The following KCNIP2 variants were observed in gnomAD, a reference collection of about 807,000 sequenced individuals.
KCNIP2 encodes the protein potassium voltage-gated channel interacting protein 2, also known as A-type potassium channel modulatory protein KCNIP2.
A neutral mutation model predicts 39.0 loss-of-function variants in KCNIP2; 19 were observed. That is an observed-to-expected ratio of 0.49 (90% confidence interval 0.34 to 0.71). The LOEUF (loss-of-function observed/expected upper bound fraction) is 0.71, where lower values mean the gene tolerates loss of function less well. Ranked by LOEUF, KCNIP2 falls within the 30% of genes least tolerant of loss-of-function variation. The probability of loss-of-function intolerance (pLI) is 0.01; values close to 1 mark genes in which losing one functional copy is unlikely to be tolerated. For missense variants in KCNIP2, 261 were observed against 346.0 expected, an observed-to-expected ratio of 0.75 and a Z score of 1.95; for synonymous variants, 111 against 131.2, an observed-to-expected ratio of 0.85 and a Z score of 1.05.
Position 101,831,213 on chromosome 10 carries a change from C to T in KCNIP2, c.74-46G>A, listed in dbSNP as rs999592449. 2.2e-6 allele frequency: 3 copies of T among 1,362,018 alleles called. No individual in the cohort carries two copies. In the East Asian group the frequency reaches 7.5e-5, roughly 34 times the overall value. 84.4% of individuals were successfully genotyped at this position (1,362,018 alleles called of 1,614,324 possible). On this transcript the variant is annotated intron_variant, in intron 1 of 9. Transcript: ENST00000356640. ...AGGAAGGCACATTAACTCCCATTGT[C>T]CCTCTGTTCCCTGTCCCCTCCCCGC...
chr10:101,829,249 C>A, intron 3 of KCNIP2, 50 bp from the exon 4 acceptor site: 6 of 1,562,138 alleles, frequency 3.8e-6, no homozygotes, highest in East Asian at 2.3e-5. Flanking sequence ...CTCCGCGACC[C>A]CTCTTCAAAT....
intron 1 of KCNIP2, among the ~76,000 whole-genome samples, chr10:101,839,273 CATGT>C (rs2066248656): frequency 6.6e-6 from 1 of 152,214 alleles, no homozygotes; most frequent in Non-Finnish European, 1.5e-5. Context: ...AGTCCCATGT[CATGT>C]ATGAACTTGC....
intron 9 of KCNIP2, 130 bp downstream of exon 9, chr10:101,827,559 C>T (rs2065783009): frequency 7.5e-7 from 1 of 1,325,140 alleles, no homozygotes; most frequent in Non-Finnish European, 1.1e-6. Flanking sequence ...GTAAGCCTCC[C>T]ACAAAGGAAT....
At chr10:101,831,320 C>A (rs1253401517) in intron 1 of KCNIP2, among the ~76,000 whole-genome samples, 153 bp from the exon 2 acceptor site, 3 of 152,258 alleles carry the variant, frequency 2.0e-5, no homozygotes, top group Middle Eastern at 6.8e-3. Flanking sequence ...TGGTTGGAAT[C>A]GGGTTAGGGG....
chr10:101,831,270 G>A, intron 1 of KCNIP2, 103 bp from the exon 2 acceptor site: 1 of 891,432 alleles, frequency 1.1e-6, no homozygotes, highest in Non-Finnish European at 1.7e-6. Flanking sequence ...TGGGGACCGG[G>A]CTGGGGGAGG....
rs1187505191 is a variant in KCNIP2 at position 101,827,614 on chromosome 10, A to G, written c.765+75T>C. 1.7e-5 allele frequency: 26 copies of G among 1,545,176 alleles called. No individual in the cohort carries two copies. In the South Asian group the frequency reaches 2.9e-4, roughly 17 times the overall value. The stretch of plus-strand genomic sequence containing the variant: ...GAGGTGGGAAGGTGGTATTCTTCCC[A>G]AAGAAGCTTTTCCCTGCATTACTAA... On this transcript the variant is annotated intron_variant, in intron 9 of 9. Transcript: ENST00000356640.
chr10:101,835,358 C>G (rs1452512429), intron 1 of KCNIP2, among the ~76,000 whole-genome samples: 1 of 152,024 alleles, frequency 6.6e-6, no homozygotes, highest in Non-Finnish European at 1.5e-5. Flanking sequence ...ACAGTAGTAG[C>G]CTAGGCAGAA....
At chr10:101,836,262 G>A (rs2066155355) in intron 1 of KCNIP2, among the ~76,000 whole-genome samples, 1 of 150,086 alleles carries the variant, frequency 6.7e-6, no homozygotes, top group South Asian at 2.1e-4. Context: ...CTTCACACAG[G>A]CTTTTTTTTC....
Position 101,828,220 on chromosome 10 carries a change from A to C in KCNIP2, c.528T>G (p.Thr176=). The change falls in exon 7 of 10, where the codon ACT becomes ACG. Residue 176 remains threonine (T), a synonymous_variant. Coordinates refer to ENST00000356640, the MANE Select transcript of KCNIP2 (RefSeq NM_173191.3). This position sits in a 1 kb window ranked among gnomAD's most constrained non-coding sequence, Gnocchi z 6.6. ...VAGLSVILRG[T]VDDRLNWAFN... is the part of the protein sequence containing the mutation. ...AGGCCCAATTAAGCCTGTCATCTACAGTTCCCCGAAGAATCACGGACAAAC... is the reference window on the plus strand; with the variant it reads ...AGGCCCAATTAAGCCTGTCATCTACCGTTCCCCGAAGAATCACGGACAAAC... The C allele has an allele frequency of 6.2e-7, 1 of 1,614,134 alleles. No individual in the cohort carries two copies. Among genetic ancestry groups the C allele is most frequent in the Non-Finnish European group, 8.5e-7 (1 of 1,180,026 alleles).
At chr10:101,836,387 T>C (rs1232474852) in intron 1 of KCNIP2, among the ~76,000 whole-genome samples, 1 of 150,230 alleles carries the variant, frequency 6.7e-6, no homozygotes, top group Non-Finnish European at 1.5e-5. Context: ...ATTACAGGCG[T>C]GCACCACCAC....
rs1589881116 is a variant in KCNIP2 at position 101,840,357 on chromosome 10, AG to A, written c.73+3138del. 2.0e-5 allele frequency among the ~76,000 whole-genome samples: 3 copies of A among 152,090 alleles called. No individual in the cohort carries two copies. The East Asian group carries it at 5.8e-4, about 30-fold the overall frequency. ...GGCCAATGGAAGAAAGCCAGGAGGA[AG>A]GAGAAAGAGGCCAGTGTATTGGGGT... On this transcript the variant is annotated intron_variant, in intron 1 of 9. Coordinates refer to ENST00000356640, the MANE Select transcript of KCNIP2 (RefSeq NM_173191.3).
intron 1 of KCNIP2, among the ~76,000 whole-genome samples, chr10:101,831,664 T>C (rs1405697304): frequency 1.3e-5 from 2 of 151,978 alleles, no homozygotes; most frequent in Non-Finnish European, 2.9e-5. Context: ...ACACACACAA[T>C]GACCTGCTAA....
chr10:101,830,355 G>A (rs72844664), intron 2 of KCNIP2: 49,468 of 1,241,132 alleles, frequency 0.04, 1,217 homozygotes, highest in Non-Finnish European at 0.048. Flanking sequence ...TCGGGGCATA[G>A]GCAACACACA....
chr10:101,827,664 T>C (rs1428184351), intron 9 of KCNIP2, 25 bp downstream of exon 9: 2 of 1,613,312 alleles, frequency 1.2e-6, no homozygotes, highest in Non-Finnish European at 1.7e-6. Context: ...CAGGTCAGGG[T>C]AATGTAGAGG....
Position 101,843,126 on chromosome 10 carries a change from C to T in KCNIP2, c.73+370G>A, listed in dbSNP as rs2066380942. On this transcript the variant is annotated intron_variant, in intron 1 of 9. Coordinates refer to ENST00000356640, the MANE Select transcript of KCNIP2 (RefSeq NM_173191.3). This position sits in a 1 kb window ranked among gnomAD's most constrained non-coding sequence, Gnocchi z 6.7. ...AATTGCACTGCCACATACAATCACA[C>T]TCACCCTAGCTGTCACCAAGCCCAG... Among the ~76,000 whole-genome samples, 1 of 152,224 alleles carries T rather than the reference C, an allele frequency of 6.6e-6. No homozygotes were observed. The highest frequency in any genetic ancestry group is 1.5e-5 in the Non-Finnish European group (1 of 68,048).
intron 1 of KCNIP2, among the ~76,000 whole-genome samples, chr10:101,837,205 CT>C (rs2135191341): frequency 6.6e-6 from 1 of 152,186 alleles, no homozygotes; most frequent in East Asian, 1.9e-4. Flanking sequence ...CATAATAAAC[CT>C]GAGAGGTAGG....
intron 1 of KCNIP2, among the ~76,000 whole-genome samples, chr10:101,834,694 T>G (rs549713133): frequency 5.3e-5 from 8 of 152,024 alleles, no homozygotes; most frequent in African/African-American, 1.9e-4. Flanking sequence ...CCCCTAGACA[T>G]CCTGTGGCTA....
intron 1 of KCNIP2, among the ~76,000 whole-genome samples, chr10:101,839,376 A>G (rs1488208789): frequency 6.6e-6 from 1 of 152,150 alleles, no homozygotes; most frequent in Non-Finnish European, 1.5e-5. Flanking sequence ...TCAGCCAAGA[A>G]ATGCAGGAAA....
rs1190401219 is a variant in KCNIP2, at chr10:101,838,371, G to C, written c.73+5125C>G. Among the ~76,000 whole-genome samples, 1 of 152,162 alleles carries C rather than the reference G, an allele frequency of 6.6e-6. No homozygotes were observed. Among genetic ancestry groups the C allele is most frequent in the Admixed American group, 6.5e-5 (1 of 15,286 alleles). Reference sequence around the variant, plus strand: ...ATGTGAGTAACACTGCCTTGTGGGGGAACCCACTCTATGCAACTGTCCCAC... The same window carrying C: ...ATGTGAGTAACACTGCCTTGTGGGGCAACCCACTCTATGCAACTGTCCCAC... On this transcript the variant is annotated intron_variant, in intron 1 of 9. Coordinates refer to ENST00000356640, the MANE Select transcript of KCNIP2 (RefSeq NM_173191.3). The surrounding 1 kb of genome is among the most constrained non-coding windows in gnomAD (Gnocchi z 4.0).
Sources: allele counts gnomAD v4.1 joint callset (sites outside exome capture counted in the v4.1 genomes callset), GRCh38; gene constraint gnomAD v4.1.1; non-coding constraint Gnocchi (gnomAD v3.1); transcripts MANE v1.5; gene names NCBI Gene and HGNC (gene_info 2026-07-23, HGNC 2026-07-21).